Variants in FSTL4 observed in about 807,000 individuals in gnomAD.
FSTL4 encodes the protein follistatin like 4, also known as follistatin-related protein 4.
Under a neutral mutation model 78.2 loss-of-function variants are expected in FSTL4, and 28 were observed. The ratio of observed to expected loss-of-function variants is 0.36; its 90% CI spans 0.27 to 0.49. FSTL4 has a LOEUF of 0.49. Among genes scored for constraint, FSTL4 ranks in the 20% least tolerant of loss-of-function variants. The pLI is 0.98. For synonymous variants in FSTL4, 422 were observed against 440.5 expected (o/e 0.96, Z 0.53); for missense variants, 922 against 1,084.9 (o/e 0.85, Z 2.11).
At chr5:133,835,217 GC>G in the FSTL4 span, among the ~76,000 whole-genome samples, 1 of 152,154 alleles carries the variant, frequency 6.6e-6, no homozygotes, top group Non-Finnish European at 1.5e-5. Context: ...AACATTGGGA[GC>G]CCAGCACACT....
rs1040634215 is a variant in FSTL4 at position 133,365,536 on chromosome 5, T to C, written c.409+35202A>G. On this transcript the variant is annotated intron_variant, in intron 4 of 15. Transcript: ENST00000265342. Reference sequence around the variant, plus strand: ...TTGCTAATCAGCACCCCTGCTGCCCTGAACCCCTGCACGAGGCAGGATGTT... The same window carrying C: ...TTGCTAATCAGCACCCCTGCTGCCCCGAACCCCTGCACGAGGCAGGATGTT... Among the ~76,000 whole-genome samples, 4 of 152,176 alleles carry C rather than the reference T, an allele frequency of 2.6e-5. No individual in the cohort carries two copies. In the East Asian group the frequency reaches 7.7e-4, roughly 29 times the overall value.
Position 133,225,134 on chromosome 5 carries a change from A to G in FSTL4, c.1312+16T>C. On this transcript the variant is annotated intron_variant, in intron 10 of 15. Coordinates refer to ENST00000265342, the MANE Select transcript of FSTL4 (RefSeq NM_015082.2). The surrounding 1 kb of genome is among the most constrained non-coding windows in gnomAD (Gnocchi z 4.6). ...CCAGCCAGCTCAGTGAGAAGCATAA[A>G]CGCGTGTCGACTTACGGGTCTTTCT... 6.2e-7 allele frequency: 1 copy of G among 1,614,138 alleles called. No individual in the cohort carries two copies. The highest frequency in any genetic ancestry group is 8.5e-7 in the Non-Finnish European group (1 of 1,180,020).
rs1433660200 is a variant in FSTL4, at chr5:133,245,407, A to G, written c.894+4003T>C. ...ACACATCTGACCCTGTCACTCCCCC[A>G]TCAAACATCTGCGCTTCCCCACTGC... On this transcript the variant is annotated intron_variant, in intron 7 of 15. Coordinates refer to ENST00000265342, the MANE Select transcript of FSTL4 (RefSeq NM_015082.2). 2.0e-5 allele frequency among the ~76,000 whole-genome samples: 3 copies of G among 152,344 alleles called. No individual in the cohort carries two copies. The East Asian group carries it at 5.8e-4, about 29-fold the overall frequency.
chr5:133,576,658 AG>A (rs1760288146), intron 2 of FSTL4, among the ~76,000 whole-genome samples: 1 of 152,144 alleles, frequency 6.6e-6, no homozygotes, highest in Non-Finnish European at 1.5e-5. Context: ...CCAGCAGCAG[AG>A]GGGCTGAGGA....
chr5:133,582,564 T>C (rs1444782984), intron 2 of FSTL4, among the ~76,000 whole-genome samples: 47 of 152,116 alleles, frequency 3.1e-4, no homozygotes, highest in Admixed American at 3.1e-3. Context: ...GGTCCACTAG[T>C]TCTACTGTGG....
chr5:133,794,240 C>A, the FSTL4 span, among the ~76,000 whole-genome samples: 1 of 152,216 alleles, frequency 6.6e-6, no homozygotes. Context: ...AGGGCTCATG[C>A]TTTGGGTCAG....
chr5:133,357,065 C>T (rs185185334), intron 4 of FSTL4, among the ~76,000 whole-genome samples: 2 of 152,298 alleles, frequency 1.3e-5, no homozygotes, highest in South Asian at 2.1e-4. Flanking sequence ...GGAGCTGGGG[C>T]GGACTGCAAA....
At chr5:133,801,047 T>A in the FSTL4 span, among the ~76,000 whole-genome samples, 1 of 152,124 alleles carries the variant, frequency 6.6e-6, no homozygotes, top group African/African-American at 2.4e-5. Context: ...AGCACTGGCA[T>A]GATTTATCGC....
chr5:133,441,272 C>T (rs1232682344), intron 3 of FSTL4, among the ~76,000 whole-genome samples: 1 of 152,114 alleles, frequency 6.6e-6, no homozygotes, highest in Non-Finnish European at 1.5e-5. Context: ...GCAACTCTTG[C>T]TCATTGTTGG....
intron 6 of FSTL4, among the ~76,000 whole-genome samples, chr5:133,278,224 A>C (rs1752931309): frequency 1.3e-5 from 2 of 152,148 alleles, no homozygotes; most frequent in South Asian, 4.1e-4. Context: ...TAGGAGGGCT[A>C]GGCATCCTGT....
At chr5:133,474,890 G>A (rs1285548162) in intron 3 of FSTL4, among the ~76,000 whole-genome samples, 1 of 152,150 alleles carries the variant, frequency 6.6e-6, no homozygotes, top group African/African-American at 2.4e-5. Flanking sequence ...ACTTCCTCCC[G>A]GTGCTCCCAA....
chr5:133,467,257 AGTGTGTGT>A (rs34838954), intron 3 of FSTL4, among the ~76,000 whole-genome samples: 7 of 139,254 alleles, frequency 5.0e-5, no homozygotes, highest in East Asian at 2.2e-4. Flanking sequence ...AGTATATGTG[AGTGTGTGT>A]GTGTGTGTGT....
chr5:133,462,234 C>T (rs1245437092), intron 3 of FSTL4, among the ~76,000 whole-genome samples: 1 of 152,226 alleles, frequency 6.6e-6, no homozygotes, highest in African/African-American at 2.4e-5. Flanking sequence ...TCTTCTCAAA[C>T]AGAAAGCTGG....
the FSTL4 span, among the ~76,000 whole-genome samples, chr5:133,748,055 G>A: frequency 4.6e-5 from 7 of 152,192 alleles, no homozygotes; most frequent in East Asian, 1.9e-4. Context: ...TCAGCTGGGC[G>A]TGGTGGCACG....
intron 3 of FSTL4, among the ~76,000 whole-genome samples, chr5:133,402,552 G>A (rs1325524732): frequency 6.6e-6 from 1 of 151,560 alleles, no homozygotes. Flanking sequence ...TTTTAGCCCC[G>A]GGTCCTACCC....
chr5:133,788,593 G>T, the FSTL4 span, among the ~76,000 whole-genome samples: 1 of 152,158 alleles, frequency 6.6e-6, no homozygotes, highest in Non-Finnish European at 1.5e-5. Context: ...CAGCCTCTCT[G>T]AGCAGAGGCC....
the FSTL4 span, among the ~76,000 whole-genome samples, chr5:133,786,234 A>T: frequency 6.6e-6 from 1 of 152,182 alleles, no homozygotes; most frequent in African/African-American, 2.4e-5. Flanking sequence ...CCCTTGGGCC[A>T]GGCCTGTATC....
At chr5:133,202,138 G>C (rs914062322) in intron 14 of FSTL4, 96 bp from the exon 15 acceptor site, 77 of 709,536 alleles carry the variant, frequency 1.1e-4, no homozygotes, top group Non-Finnish European at 1.7e-4. Flanking sequence ...CCCGGCAGAG[G>C]GGTGCTTGGG....
At chr5:133,287,860 C>T (rs370857886) in intron 6 of FSTL4, among the ~76,000 whole-genome samples, 14 of 152,352 alleles carry the variant, frequency 9.2e-5, no homozygotes, top group African/African-American at 2.9e-4. Context: ...CAAACACCAC[C>T]TCCTCCAGGG....
Sources: allele counts gnomAD v4.1 joint callset (sites outside exome capture counted in the v4.1 genomes callset), GRCh38; gene constraint gnomAD v4.1.1; non-coding constraint Gnocchi (gnomAD v3.1); transcripts MANE v1.5; gene names NCBI Gene and HGNC (gene_info 2026-07-23, HGNC 2026-07-21).